NEBL: variants seen among roughly 807,000 people sequenced by gnomAD.
The protein encoded by NEBL is nebulette.
Under a neutral mutation model 140.2 loss-of-function variants are expected in NEBL, and 122 were observed. The observed-to-expected ratio is 0.87, with a 90% CI of 0.75 to 1.01. NEBL has a LOEUF of 1.01. Ranked by LOEUF, NEBL falls within the 50% of genes least tolerant of loss-of-function variation. NEBL has a pLI of 0.00. For missense variants in NEBL, 1,365 were observed against 1,231.3 expected, an observed-to-expected ratio of 1.11 and a Z score of -1.62; for synonymous variants, 436 against 398.9, an observed-to-expected ratio of 1.09 and a Z score of -1.11.
chr10:20,818,412 G>GA (rs1444661154), intron 20 of NEBL, among the ~76,000 whole-genome samples: 3 of 152,102 alleles, frequency 2.0e-5, no homozygotes, highest in African/African-American at 7.2e-5. Flanking sequence ...GGTTTACATA[G>GA]AACATTAGTA....
At chr10:20,875,434 A>G (rs1407655506) in intron 5 of NEBL, among the ~76,000 whole-genome samples, 2 of 152,216 alleles carry the variant, frequency 1.3e-5, no homozygotes, top group East Asian at 3.8e-4. Context: ...AGACATGGCC[A>G]ATAAGAGAAA....
At chr10:21,006,912 G>A (rs1483756092) in intron 3 of NEBL, among the ~76,000 whole-genome samples, 1 of 152,240 alleles carries the variant, frequency 6.6e-6, no homozygotes, top group Admixed American at 6.5e-5. Flanking sequence ...TGACAAAAAG[G>A]CACAGGTGTT....
At chr10:21,261,165 G>A (rs1842735608) in intron 1 of NEBL, among the ~76,000 whole-genome samples, 1 of 152,148 alleles carries the variant, frequency 6.6e-6, no homozygotes, top group African/African-American at 2.4e-5. Context: ...GGGAAATGGT[G>A]GGTAACCCCT....
intron 5 of NEBL, among the ~76,000 whole-genome samples, chr10:20,870,488 C>T (rs964867290): frequency 4.6e-5 from 7 of 152,262 alleles, no homozygotes; most frequent in African/African-American, 1.2e-4. Context: ...AGAATATCCT[C>T]ATCAAGAACT....
chr10:21,045,376 T>C (rs956197645), intron 2 of NEBL, among the ~76,000 whole-genome samples: 2 of 152,218 alleles, frequency 1.3e-5, no homozygotes, highest in African/African-American at 4.8e-5. Flanking sequence ...CGATACTAAC[T>C]GCTAAAAACC....
At chr10:20,901,780 C>T (rs989768115), upstream of NEBL, among the ~76,000 whole-genome samples, 1 of 152,072 alleles carries the variant, frequency 6.6e-6, no homozygotes, top group Non-Finnish European at 1.5e-5. Context: ...CCGGAAGGTT[C>T]CTGCTTCTCA....
At chr10:20,938,372 G>C (rs1023853284) in intron 4 of NEBL, among the ~76,000 whole-genome samples, 6 of 152,242 alleles carry the variant, frequency 3.9e-5, no homozygotes, top group Non-Finnish European at 7.3e-5. Flanking sequence ...ACCTGCACCT[G>C]AGGGTCCTGA....
chr10:20,867,863 A>G (rs141377484), intron 7 of NEBL: 2 of 152,098 alleles, frequency 1.3e-5, no homozygotes, highest in African/African-American at 4.8e-5. Context: ...AGGACTCCCT[A>G]TTCTATCCTA....
intron 2 of NEBL, among the ~76,000 whole-genome samples, chr10:21,087,724 C>T (rs1836705353): frequency 6.6e-6 from 1 of 152,222 alleles, no homozygotes. Context: ...TTGGAAATTA[C>T]TTCATGATTT....
At chr10:21,022,218 TG>T (rs1299198153) in intron 2 of NEBL, among the ~76,000 whole-genome samples, 1 of 152,194 alleles carries the variant, frequency 6.6e-6, no homozygotes, top group African/African-American at 2.4e-5. Flanking sequence ...CCTCCCTGTT[TG>T]CTTCTTTCTA....
chr10:20,987,600 GC>G (rs1244986198), intron 3 of NEBL, among the ~76,000 whole-genome samples: 9 of 152,086 alleles, frequency 5.9e-5, no homozygotes, highest in African/African-American at 2.2e-4. Flanking sequence ...GGTGCCAATA[GC>G]TGTGCTGCCT....
intron 18 of NEBL, among the ~76,000 whole-genome samples, chr10:20,826,128 T>C (rs1196819571): frequency 6.6e-6 from 1 of 152,240 alleles, no homozygotes; most frequent in African/African-American, 2.4e-5. Flanking sequence ...GGAGAGGTAC[T>C]GAAATGTATC....
chr10:20,833,384 T>C (rs1038171787), intron 14 of NEBL, among the ~76,000 whole-genome samples: 2 of 152,142 alleles, frequency 1.3e-5, no homozygotes, highest in African/African-American at 2.4e-5. Flanking sequence ...ATATTAAAAA[T>C]AAACTATGGC....
intron 3 of NEBL, among the ~76,000 whole-genome samples, chr10:21,213,186 TACTC>T (rs1445698055): frequency 1.3e-5 from 2 of 152,246 alleles, no homozygotes; most frequent in Non-Finnish European, 2.9e-5. Flanking sequence ...TACTCACTAA[TACTC>T]AAAGAATGCA....
At chr10:21,218,959 A>G (rs1842033183) in intron 3 of NEBL, among the ~76,000 whole-genome samples, 2 of 152,200 alleles carry the variant, frequency 1.3e-5, no homozygotes, top group African/African-American at 4.8e-5. Context: ...GACAGGGGAA[A>G]CCTTCACAGA....
chr10:21,111,570 C>A (rs1049515866), intron 2 of NEBL, among the ~76,000 whole-genome samples: 10 of 151,506 alleles, frequency 6.6e-5, no homozygotes, highest in Admixed American at 3.3e-4. Context: ...CCCTTCCTTA[C>A]ACCATATACA....
rs533131799 is a variant in NEBL at position 21,151,100 on chromosome 10, T to C, written c.164+21283A>G. On this transcript the variant is annotated intron_variant, in intron 2 of 6. Coordinates refer to the NEBL transcript ENST00000417816. ...GAGCAAAGAAAGGAACTGAAGTCAT[T>C]TTTGGAGAAATAAACAAGACTCGAT... is the stretch of plus-strand genomic sequence containing the variant. Among the ~76,000 whole-genome samples, 16 of 152,292 alleles carry C rather than the reference T, an allele frequency of 1.1e-4. 1 individual carries two copies. The South Asian group carries it at 3.1e-3, about 30-fold the overall frequency.
At chr10:21,144,379 C>T (rs752622225) in intron 2 of NEBL, among the ~76,000 whole-genome samples, 10 of 152,188 alleles carry the variant, frequency 6.6e-5, no homozygotes, top group Non-Finnish European at 1.3e-4. Context: ...TACAAGGTAA[C>T]GCACCCTCCT....
At chr10:21,030,782 C>A in intron 2 of NEBL, 1 of 390,012 alleles carries the variant, frequency 2.6e-6, no homozygotes. Context: ...TCCAGATCTG[C>A]ACCTGAGCCA....
Sources: gnomAD v4.1 joint callset for allele counts (sites outside exome capture counted in the v4.1 genomes callset) on GRCh38, gnomAD v4.1.1 for gene constraint, MANE v1.5 for transcripts, NCBI Gene and HGNC (gene_info 2026-07-23, HGNC 2026-07-21) for gene names.